The following UIMC1 variants were observed in gnomAD, a reference collection of about 807,000 sequenced individuals.
UIMC1 encodes the protein ubiquitin interaction motif containing 1.
UIMC1 carries 42 observed loss-of-function variants against 84.9 expected under a neutral mutation model. That is an observed-to-expected ratio of 0.49 (90% CI 0.39 to 0.64). The LOEUF is 0.64. Ranked by LOEUF, UIMC1 falls within the 30% of genes least tolerant of loss-of-function variation. The pLI is 0.00. For missense variants in UIMC1, 825 were observed against 847.6 expected (o/e 0.97, Z 0.33); for synonymous variants, 281 against 293.0 (o/e 0.96, Z 0.42).
chr5:176,971,417 C>T (rs1016519630), intron 3 of UIMC1, among the ~76,000 whole-genome samples: 5 of 152,090 alleles, frequency 3.3e-5, no homozygotes, highest in South Asian at 2.1e-4. Flanking sequence ...ATGAAATGAA[C>T]AAGATGAGCT....
intron 1 of UIMC1, among the ~76,000 whole-genome samples, chr5:176,986,460 T>C (rs1445613414): frequency 6.8e-6 from 1 of 146,780 alleles, no homozygotes; most frequent in African/African-American, 2.5e-5. Context: ...CTTGAGTGTG[T>C]TTGAGACTGC....
chr5:176,988,994 T>C (rs1017671156), intron 1 of UIMC1, among the ~76,000 whole-genome samples: 22 of 152,050 alleles, frequency 1.4e-4, no homozygotes, highest in African/African-American at 5.1e-4. Context: ...TAGGTGAATT[T>C]TACCTCAATT....
intron 2 of UIMC1, among the ~76,000 whole-genome samples, chr5:176,977,147 C>T (rs1477887802): frequency 1.3e-5 from 2 of 149,550 alleles, no homozygotes; most frequent in Admixed American, 6.7e-5. Context: ...CACTTGAACC[C>T]GGGAGGCAGA....
chr5:176,957,538 G>A (rs1311514101), intron 7 of UIMC1, among the ~76,000 whole-genome samples: 2 of 152,166 alleles, frequency 1.3e-5, no homozygotes, highest in African/African-American at 4.8e-5. Flanking sequence ...CAGGAGATAG[G>A]AGGCACAAAC....
intron 1 of UIMC1, among the ~76,000 whole-genome samples, chr5:176,987,398 C>T (rs968307829): frequency 6.6e-6 from 1 of 152,056 alleles, no homozygotes; most frequent in Non-Finnish European, 1.5e-5. Flanking sequence ...ATAATCCCAG[C>T]ACTTTAGGAG....
intron 1 of UIMC1, among the ~76,000 whole-genome samples, chr5:176,997,541 C>A (rs1052957459): frequency 1.3e-5 from 2 of 151,956 alleles, no homozygotes; most frequent in African/African-American, 2.4e-5. Context: ...AAAAATTAGC[C>A]GGGCGTGGTG....
chr5:176,979,509 A>AGGAGAATCGCTTGAACCTG (rs1307127777), intron 2 of UIMC1, among the ~76,000 whole-genome samples: 1 of 152,106 alleles, frequency 6.6e-6, no homozygotes, highest in Admixed American at 6.6e-5. Context: ...AGGCTGAGGC[A>AGGAGAATCGCTTGAACCTG]GGAGAATCGC....
At chr5:176,928,032 T>C (rs150604953) in intron 10 of UIMC1, among the ~76,000 whole-genome samples, 1,631 of 152,052 alleles carry the variant, frequency 0.011, 10 homozygotes, top group South Asian at 0.025. Context: ...TTAGTAGAGA[T>C]AGGGTTTCAC....
chr5:176,950,206 TCTC>T (rs769445538), intron 9 of UIMC1, among the ~76,000 whole-genome samples: 2 of 148,420 alleles, frequency 1.3e-5, no homozygotes, highest in Non-Finnish European at 3.0e-5. Context: ...TTCAAGCCAT[TCTC>T]CTGCCTCAGC....
rs200050958 is a variant in UIMC1 at position 176,969,667 on chromosome 5, G to A, written c.397C>T (p.Pro133Ser). 182 of 1,614,130 alleles carry A rather than the reference G, an allele frequency of 1.1e-4. No homozygotes were observed. The East Asian group carries it at 3.5e-3, about 31-fold the overall frequency. Residue 133 changes from proline (P) to serine (S), a missense_variant, in exon 5 of 15, where the codon CCT becomes TCT. Physicochemically the swap from Pro to Ser is moderately conservative, Grantham distance 74 (BLOSUM62 -1). Transcript: ENST00000511320. The stretch of plus-strand genomic sequence containing the variant: ...TGGGAAGACGGTCCAGTGGCCAGAG[G>A]TCGAGATCTGGTAGCGGAAGCATCA... Reference protein sequence around the residue: ...PSDASATRSRPLATGPSSQSH... With the variant: ...PSDASATRSRSLATGPSSQSH...
At chr5:177,022,352 T>C (rs1775898559) in intron 1 of UIMC1, 1 of 200,072 alleles carries the variant, frequency 5.0e-6, no homozygotes, top group Admixed American at 5.8e-5. Flanking sequence ...TAGCGAGCTC[T>C]TGAGTTAACC....
chr5:177,001,665 G>A (rs1221589195), intron 1 of UIMC1, among the ~76,000 whole-genome samples: 1 of 151,978 alleles, frequency 6.6e-6, no homozygotes, highest in Non-Finnish European at 1.5e-5. Context: ...AGGGCCAGGT[G>A]CAGTGGCTCA....
intron 1 of UIMC1, among the ~76,000 whole-genome samples, chr5:176,987,826 A>G (rs193274832): frequency 6.7e-6 from 1 of 148,370 alleles, no homozygotes; most frequent in Non-Finnish European, 1.5e-5. Context: ...CCTGTCTCAC[A>G]AAAAAAAAAG....
At chr5:176,919,884 G>A (rs930309193) in intron 10 of UIMC1, among the ~76,000 whole-genome samples, 2 of 152,178 alleles carry the variant, frequency 1.3e-5, no homozygotes, top group Non-Finnish European at 2.9e-5. Flanking sequence ...TTAGTAAGTT[G>A]TAAAATTGGA....
At chr5:176,993,494 T>C (rs1773170428) in intron 1 of UIMC1, among the ~76,000 whole-genome samples, 1 of 152,030 alleles carries the variant, frequency 6.6e-6, no homozygotes, top group South Asian at 2.1e-4. Context: ...CAGGCACAAA[T>C]ATTTTCTTAC....
intron 10 of UIMC1, among the ~76,000 whole-genome samples, chr5:176,925,947 G>A (rs1055259229): frequency 2.6e-5 from 4 of 152,014 alleles, no homozygotes; most frequent in African/African-American, 7.3e-5. Context: ...ACCAATATTC[G>A]CAACTTACTT....
At position 176,905,277 on chromosome 5, in the gene UIMC1, G is replaced by A; in HGVS notation, c.*5C>T. 6.2e-7 allele frequency: 1 copy of A among 1,613,524 alleles called. No individual in the cohort carries two copies. On this transcript the variant is annotated 3_prime_UTR_variant, in exon 15 of 15. Coordinates refer to ENST00000511320, the MANE Select transcript of UIMC1 (RefSeq NM_001199298.2). ...TGGTTTTGTCAACTTTTGGACCCTAGAAATTCAGAATTTTCTCCTTCTTCC... is the reference window on the plus strand; with the variant it reads ...TGGTTTTGTCAACTTTTGGACCCTAAAAATTCAGAATTTTCTCCTTCTTCC...
intron 3 of UIMC1, among the ~76,000 whole-genome samples, chr5:176,973,928 T>C (rs546961018): frequency 6.6e-6 from 1 of 152,152 alleles, no homozygotes; most frequent in African/African-American, 2.4e-5. Context: ...GGTATGGTGA[T>C]GCATGCCTGT....
chr5:177,002,328 G>A (rs1445880929), intron 1 of UIMC1, among the ~76,000 whole-genome samples: 1 of 151,916 alleles, frequency 6.6e-6, no homozygotes, highest in Non-Finnish European at 1.5e-5. Flanking sequence ...TTAACCTCTG[G>A]TGATCCAAGT....
Sources: allele counts gnomAD v4.1 joint callset (sites outside exome capture counted in the v4.1 genomes callset), GRCh38; gene constraint gnomAD v4.1.1; transcripts MANE v1.5; gene names NCBI Gene and HGNC (gene_info 2026-07-23, HGNC 2026-07-21).